The following TRAPPC9 variants were observed in gnomAD, a reference collection of about 807,000 sequenced individuals.
TRAPPC9 encodes the protein trafficking protein particle complex subunit 9.
TRAPPC9 carries 83 observed loss-of-function variants against 124.0 expected under a neutral mutation model. The observed-to-expected ratio is 0.67, with a 90% CI of 0.56 to 0.80. The LOEUF is 0.80. Ranked by LOEUF, TRAPPC9 falls within the 30% of genes least tolerant of loss-of-function variation. The pLI, the probability that TRAPPC9 is intolerant of heterozygous loss-of-function variation, is 0.00. For synonymous variants in TRAPPC9, 638 were observed against 617.5 expected (o/e 1.03, Z -0.49); for missense variants, 1,302 against 1,508.3 (o/e 0.86, Z 2.27).
chr8:140,272,631 G>A (rs181943036), intron 15 of TRAPPC9, among the ~76,000 whole-genome samples: 1 of 152,250 alleles, frequency 6.6e-6, no homozygotes, highest in Admixed American at 6.5e-5. Flanking sequence ...TCCACATCCT[G>A]TACAAGCACG....
chr8:140,073,462 C>G (rs1563739833), intron 17 of TRAPPC9, among the ~76,000 whole-genome samples: 1 of 152,200 alleles, frequency 6.6e-6, no homozygotes, highest in Non-Finnish European at 1.5e-5. Context: ...AGCACTTATG[C>G]TGAGGTGCCT....
intron 21 of TRAPPC9, among the ~76,000 whole-genome samples, chr8:139,856,566 G>A (rs570463818): frequency 1.3e-5 from 2 of 152,268 alleles, no homozygotes; most frequent in African/African-American, 4.8e-5. Context: ...GGTAACACAG[G>A]TCAACAGCAA....
At chr8:140,094,220 G>A (rs570223091) in intron 17 of TRAPPC9, among the ~76,000 whole-genome samples, 3 of 152,300 alleles carry the variant, frequency 2.0e-5, no homozygotes, top group Admixed American at 1.3e-4. Context: ...AACAGGCACC[G>A]CTCACTGAGA....
intron 7 of TRAPPC9, among the ~76,000 whole-genome samples, chr8:140,383,430 ATGG>A (rs2068668783): frequency 6.6e-6 from 1 of 152,176 alleles, no homozygotes; most frequent in African/African-American, 2.4e-5. Flanking sequence ...GATTAGACAA[ATGG>A]CTAACTAGAA....
At chr8:140,163,165 G>A (rs1488591289) in intron 17 of TRAPPC9, among the ~76,000 whole-genome samples, 12 of 152,146 alleles carry the variant, frequency 7.9e-5, no homozygotes, top group African/African-American at 2.2e-4. Flanking sequence ...CACCAGTCCC[G>A]CCAGCCCTGT....
chr8:140,214,715 G>A (rs2063148869), intron 17 of TRAPPC9, among the ~76,000 whole-genome samples: 1 of 152,144 alleles, frequency 6.6e-6, no homozygotes, highest in Non-Finnish European at 1.5e-5. Context: ...AATTCACACA[G>A]TCCCTATTTT....
chr8:139,953,198 C>T (rs1834756537), intron 19 of TRAPPC9, among the ~76,000 whole-genome samples: 1 of 152,236 alleles, frequency 6.6e-6, no homozygotes, highest in Non-Finnish European at 1.5e-5. Context: ...AACTATAAAA[C>T]TTGTAAAAGT....
intron 2 of TRAPPC9, among the ~76,000 whole-genome samples, chr8:140,439,615 T>C (rs1473859815): frequency 6.6e-6 from 1 of 152,206 alleles, no homozygotes; most frequent in East Asian, 1.9e-4. Context: ...AGCCAACCAT[T>C]TGGCTTTAGC....
At chr8:139,892,479 A>T (rs1830412618) in intron 20 of TRAPPC9, among the ~76,000 whole-genome samples, 2 of 152,204 alleles carry the variant, frequency 1.3e-5, no homozygotes, top group Admixed American at 1.3e-4. Context: ...GGATAAAGAG[A>T]CACAGGAGAA....
chr8:140,304,676 C>T (rs941790223), intron 10 of TRAPPC9, among the ~76,000 whole-genome samples: 9 of 152,302 alleles, frequency 5.9e-5, no homozygotes, highest in Non-Finnish European at 1.2e-4. Context: ...AACACGAGCC[C>T]GCTCCCCTCA....
At chr8:140,435,594 G>A (rs2070785884) in intron 3 of TRAPPC9, among the ~76,000 whole-genome samples, 5 of 152,224 alleles carry the variant, frequency 3.3e-5, no homozygotes, top group African/African-American at 1.2e-4. Context: ...CACAAACTGT[G>A]TGGCAGACTG....
At chr8:139,975,047 C>T (rs577694968) in intron 19 of TRAPPC9, among the ~76,000 whole-genome samples, 1 of 152,166 alleles carries the variant, frequency 6.6e-6, no homozygotes, top group Non-Finnish European at 1.5e-5. Context: ...ACTGCCTCTC[C>T]AGCTCACTCT....
At chr8:140,096,586 A>G (rs568302497) in intron 17 of TRAPPC9, 2 of 152,386 alleles carry the variant, frequency 1.3e-5, no homozygotes, top group East Asian at 3.9e-4. Flanking sequence ...GAAGTTGAAC[A>G]GAATGGTAAA....
chr8:139,981,051 A>G (rs1423784754), intron 19 of TRAPPC9, among the ~76,000 whole-genome samples: 1 of 152,214 alleles, frequency 6.6e-6, no homozygotes, highest in Admixed American at 6.5e-5. Context: ...AAACCACTGC[A>G]TCTTCCCCAG....
chr8:140,165,538 A>G (rs1307326882), intron 17 of TRAPPC9, among the ~76,000 whole-genome samples: 1 of 146,416 alleles, frequency 6.8e-6, no homozygotes, highest in East Asian at 2.1e-4. Flanking sequence ...GTGTCTGTCA[A>G]AAGAAAAAGA....
chr8:139,864,429 C>T (rs1828386610), intron 21 of TRAPPC9, among the ~76,000 whole-genome samples: 2 of 152,168 alleles, frequency 1.3e-5, no homozygotes, highest in South Asian at 4.1e-4. Flanking sequence ...ACTGAAATCT[C>T]CATCACTTAT....
intron 17 of TRAPPC9, among the ~76,000 whole-genome samples, chr8:140,111,727 GAC>G (rs1163211694): frequency 6.6e-6 from 1 of 152,244 alleles, no homozygotes; most frequent in Admixed American, 6.5e-5. Flanking sequence ...AGAAAGGAAA[GAC>G]ACTGACAGCA....
chr8:140,337,553 G>A (rs781627007), intron 9 of TRAPPC9, among the ~76,000 whole-genome samples: 7 of 152,188 alleles, frequency 4.6e-5, no homozygotes, highest in Non-Finnish European at 8.8e-5. Context: ...TAGAGAACAA[G>A]GTCACCGGCA....
At position 139,731,974 on chromosome 8, in the gene TRAPPC9, C is replaced by T. The variant is rs1438509728; in HGVS notation, c.3279+5G>A. 20 of 1,568,012 alleles carry T rather than the reference C, an allele frequency of 1.3e-5. No individual in the cohort carries two copies. The highest frequency in any genetic ancestry group is 7.0e-5 in the South Asian group (6 of 85,266). ...TCCCAGACCGCCTTGCACACCACCACGCACCGCGTCGAGGTAGAAGGTGCT... is the reference window on the plus strand; with the variant it reads ...TCCCAGACCGCCTTGCACACCACCATGCACCGCGTCGAGGTAGAAGGTGCT... On this transcript the variant is annotated splice_donor_5th_base_variant and intron_variant, in intron 22 of 22. Transcript: ENST00000438773.
Sources: gnomAD v4.1 joint callset for allele counts (sites outside exome capture counted in the v4.1 genomes callset) on GRCh38, gnomAD v4.1.1 for gene constraint, MANE v1.5 for transcripts, NCBI Gene and HGNC (gene_info 2026-07-23, HGNC 2026-07-21) for gene names.